Variants in FABP4 observed in about 807,000 individuals in gnomAD.
The protein encoded by FABP4 is fatty acid binding protein 4.
In FABP4, 17 loss-of-function variants were observed where a neutral mutation model predicts 14.6. The ratio of observed to expected loss-of-function variants is 1.16; its 90% CI spans 0.80 to 1.74. The LOEUF is 1.74. Among genes scored for constraint, FABP4 ranks in the 40% most tolerant of loss-of-function variants. FABP4 has a pLI of 0.00. For missense variants in FABP4, 149 were observed against 160.3 expected, an observed-to-expected ratio of 0.93 and a Z score of 0.38; for synonymous variants, 54 against 54.6, an observed-to-expected ratio of 0.99 and a Z score of 0.05.
Position 81,479,657 on chromosome 8 carries a change from G to A in FABP4, c.247-142C>T, listed in dbSNP as rs146087189. On this transcript the variant is annotated intron_variant, in intron 2 of 3. Transcript: ENST00000256104. ...AATATATTGCAACAAGAAAAAAAAT[G>A]AGTCTCAAAAACAACAACATAACCA... 3.3e-3 allele frequency: 1,882 copies of A among 568,790 alleles called. 11 individuals are homozygous for A. Among genetic ancestry groups the A allele is most frequent in the South Asian group, 0.011 (434 of 39,364 alleles). 35.2% of individuals were successfully genotyped at this position (568,790 alleles called of 1,614,324 possible). A position where few individuals can be genotyped will look rare whatever the true frequency, so the allele number is the denominator to read the frequency against.
chr8:81,482,188 G>A (rs1027913745), intron 1 of FABP4, among the ~76,000 whole-genome samples: 6 of 152,084 alleles, frequency 3.9e-5, no homozygotes, highest in Admixed American at 6.6e-5. Context: ...ATAATTTACA[G>A]GAGGGTTAAG....
intron 1 of FABP4, among the ~76,000 whole-genome samples, chr8:81,482,020 G>A (rs1808085685): frequency 6.6e-6 from 1 of 151,794 alleles, no homozygotes; most frequent in South Asian, 2.1e-4. Context: ...TAGTTAAATG[G>A]CCCCAAATCC....
Position 81,478,683 on chromosome 8 carries a change from A to T in FABP4, c.*182T>A. 1 of 519,762 alleles carries T rather than the reference A, an allele frequency of 1.9e-6. No homozygotes were observed. Among genetic ancestry groups the T allele is most frequent in the South Asian group, 3.4e-5 (1 of 29,690 alleles). The allele number at this position is 519,762 out of a possible 1,614,324, so 32.2% of individuals were successfully genotyped here. On this transcript the variant is annotated 3_prime_UTR_variant, in exon 4 of 4. Coordinates refer to ENST00000256104, the MANE Select transcript of FABP4 (RefSeq NM_001442.3). ...ATAAGCACAATGAATACATCATTAC[A>T]TCACCTTCTAAATCTAAAAAAAGTT...
intron 1 of FABP4, among the ~76,000 whole-genome samples, chr8:81,482,649 C>T (rs761742217): frequency 4.6e-5 from 7 of 152,070 alleles, no homozygotes; most frequent in Admixed American, 1.3e-4. Context: ...GGCTAACATA[C>T]GGTTACTGAA....
At position 81,479,534 on chromosome 8, in the gene FABP4, G is replaced by T; in HGVS notation, c.247-19C>A. On this transcript the variant is annotated intron_variant, in intron 2 of 3. Transcript: ENST00000256104. ...TGGTGCTCTGTAGGCATAAGAAAATGTAATGACAATGTGCAGAGGGAGGCA... is the reference window on the plus strand; with the variant it reads ...TGGTGCTCTGTAGGCATAAGAAAATTTAATGACAATGTGCAGAGGGAGGCA... 1.3e-6 allele frequency: 2 copies of T among 1,593,694 alleles called. No homozygotes were observed. Among genetic ancestry groups the T allele is most frequent in the Non-Finnish European group, 1.7e-6 (2 of 1,162,666 alleles).
chr8:81,478,564 T>C lies in FABP4; in HGVS notation c.*301A>G, dbSNP rs752781219. 8.2e-6 allele frequency: 2 copies of C among 243,422 alleles called. No homozygotes were observed. The highest frequency in any genetic ancestry group is 1.6e-5 in the Non-Finnish European group (2 of 126,766). The allele number at this position is 243,422 out of a possible 1,614,324, so 15.1% of individuals were successfully genotyped here. The stretch of plus-strand genomic sequence containing the variant: ...AATCCATAGATATCCCTTTTTACCT[T>C]GAATTATTATGAAATATGTTATTAT... On this transcript the variant is annotated 3_prime_UTR_variant, in exon 4 of 4. Transcript: ENST00000256104.
chr8:81,479,040 A>C, intron 3 of FABP4, 125 bp from the exon 4 acceptor site: 2 of 783,124 alleles, frequency 2.6e-6, no homozygotes, highest in Non-Finnish European at 4.3e-6. Context: ...ACTCCTATAT[A>C]TGTAACCCAT....
chr8:81,479,495 C>A lies in FABP4; in HGVS notation c.267G>T (p.Gly89=), dbSNP rs1585811056. 1 of 1,612,964 alleles carries A rather than the reference C, an allele frequency of 6.2e-7. No homozygotes were observed. The highest frequency in any genetic ancestry group is 1.3e-5 in the African/African-American group (1 of 74,822). The change falls in exon 3 of 4, where the codon GGG becomes GGT. Residue 89 remains glycine (G), a synonymous_variant. Transcript: ENST00000256104. The part of the protein sequence containing the change: ...RKVKSTITLD[G]GVLVHVQKWD... ...ATTTCTGCACATGTACCAGGACACCCCCATCTAAGGTTATGGTGCTCTGTA... is the reference window on the plus strand; with the variant it reads ...ATTTCTGCACATGTACCAGGACACCACCATCTAAGGTTATGGTGCTCTGTA...
At chr8:81,479,771 C>T (rs1380978073) in intron 2 of FABP4, 7 of 293,324 alleles carry the variant, frequency 2.4e-5, no homozygotes, top group East Asian at 1.3e-4. Context: ...ATTTACATTG[C>T]GATGGTAGTA....
At chr8:81,483,020 A>G (rs1157853917) in intron 1 of FABP4, 75 bp downstream of exon 1, 1 of 1,239,612 alleles carries the variant, frequency 8.1e-7, no homozygotes, top group South Asian at 1.5e-5. Context: ...AGACATTGCT[A>G]TAAACACAGC....
At position 81,478,466 on chromosome 8, in the gene FABP4, C is replaced by T. The variant is rs1808003616; in HGVS notation, c.*399G>A. 1 of 159,916 alleles carries T rather than the reference C, an allele frequency of 6.3e-6. No individual in the cohort carries two copies. Among genetic ancestry groups the T allele is most frequent in the African/African-American group, 2.4e-5 (1 of 41,572 alleles). 9.9% of individuals were successfully genotyped at this position (159,916 alleles called of 1,614,324 possible). A position where few individuals can be genotyped will look rare whatever the true frequency, so the allele number is the denominator to read the frequency against. ...ACCTTAGGTTTCTGAGATACACCTA[C>T]TTAACTGTAGCTATGGTAAAGAAGG... On this transcript the variant is annotated 3_prime_UTR_variant, in exon 4 of 4. Transcript: ENST00000256104.
chr8:81,482,796 C>G (rs980354035), intron 1 of FABP4, among the ~76,000 whole-genome samples: 4 of 152,054 alleles, frequency 2.6e-5, no homozygotes, highest in African/African-American at 9.7e-5. Flanking sequence ...GCTAAGTAAA[C>G]CAAGGATACC....
Position 81,480,416 on chromosome 8 carries a change from T to G in FABP4, c.246+10A>C. On this transcript the variant is annotated intron_variant, in intron 2 of 3. Transcript: ENST00000256104. ...AGGCATGTACTCTGTGCCACTTCCT[T>G]ATTTCTCACCTTGACTTTCCTGTCA... is the stretch of plus-strand genomic sequence containing the variant. The G allele has an allele frequency of 6.2e-7, 1 of 1,612,642 alleles. No individual in the cohort carries two copies. Among genetic ancestry groups the G allele is most frequent in the Non-Finnish European group, 8.5e-7 (1 of 1,179,066 alleles).
At chr8:81,479,875 T>G in intron 2 of FABP4, 1 of 166,596 alleles carries the variant, frequency 6.0e-6, no homozygotes, top group South Asian at 1.8e-4. Context: ...CTCTATGTAT[T>G]GTATGACTCA....
At chr8:81,483,018 C>T (rs1808104012) in intron 1 of FABP4, 77 bp downstream of exon 1, 2 of 1,195,464 alleles carry the variant, frequency 1.7e-6, no homozygotes, top group Non-Finnish European at 2.4e-6. Context: ...CCAGACATTG[C>T]TATAAACACA....
At chr8:81,482,716 C>T (rs1428902458) in intron 1 of FABP4, among the ~76,000 whole-genome samples, 1 of 152,108 alleles carries the variant, frequency 6.6e-6, no homozygotes, top group Non-Finnish European at 1.5e-5. Context: ...AAAATTATTG[C>T]ATACTAACTT....
intron 2 of FABP4, 34 bp downstream of exon 2, chr8:81,480,392 G>A (rs780197541): frequency 3.8e-6 from 6 of 1,599,912 alleles, no homozygotes; most frequent in Non-Finnish European, 4.3e-6. Flanking sequence ...TTAGAAACCA[G>A]GCATGTACTC....
intron 1 of FABP4, among the ~76,000 whole-genome samples, chr8:81,482,468 C>T (rs559048793): frequency 3.9e-5 from 6 of 152,224 alleles, no homozygotes; most frequent in East Asian, 1.9e-4. Context: ...ATGTTATATG[C>T]GTAACATTCT....
Position 81,478,622 on chromosome 8 carries a change from C to T in FABP4, c.*243G>A. ...AGAACAAAGAAATAATGCAAATTTCCCATTTCCTTCACTCAGTTATGACTA... is the reference window on the plus strand; with the variant it reads ...AGAACAAAGAAATAATGCAAATTTCTCATTTCCTTCACTCAGTTATGACTA... On this transcript the variant is annotated 3_prime_UTR_variant, in exon 4 of 4. Transcript: ENST00000256104. The T allele has an allele frequency of 2.7e-6, 1 of 376,026 alleles. No individual in the cohort carries two copies. Among genetic ancestry groups the T allele is most frequent in the South Asian group, 8.2e-5 (1 of 12,182 alleles). The allele number at this position is 376,026 out of a possible 1,614,324, so 23.3% of individuals were successfully genotyped here. A position where few individuals can be genotyped will look rare whatever the true frequency, so the allele number is the denominator to read the frequency against.
Sources: gnomAD v4.1 joint callset for allele counts (sites outside exome capture counted in the v4.1 genomes callset) on GRCh38, gnomAD v4.1.1 for gene constraint, MANE v1.5 for transcripts, NCBI Gene and HGNC (gene_info 2026-07-23, HGNC 2026-07-21) for gene names.